CFAP47: variants seen among roughly 807,000 people sequenced by gnomAD.
CFAP47 encodes the protein cilia and flagella associated protein 47.
In CFAP47, 29 loss-of-function variants were observed where a neutral mutation model predicts 148.1. The observed-to-expected ratio is 0.20, with a 90% confidence interval of 0.15 to 0.27. CFAP47 has a LOEUF of 0.27. Among genes scored for constraint, CFAP47 ranks in the 10% least tolerant of loss-of-function variants. The pLI is 1.00. For missense variants in CFAP47, 1,872 were observed against 1,697.5 expected (o/e 1.10, Z -1.81); for synonymous variants, 664 against 577.3 (o/e 1.15, Z -2.15).
intron 63 of CFAP47, among the ~76,000 whole-genome samples, chrX:36,381,680 G>A (rs1214010687): frequency 1.8e-5 from 2 of 110,624 alleles, no homozygotes; most frequent in Non-Finnish European, 3.8e-5. Context: ...TACAAAAAGC[G>A]GTGCCACTCA....
chrX:36,217,740 C>T (rs1159123720), intron 45 of CFAP47, among the ~76,000 whole-genome samples: 2 of 112,120 alleles, frequency 1.8e-5, no homozygotes, highest in Non-Finnish European at 3.8e-5. Flanking sequence ...TAAAAAAATA[C>T]ACTTTAAGTC....
chrX:36,205,504 T>C (rs1240385202), intron 45 of CFAP47, among the ~76,000 whole-genome samples: 1 of 111,108 alleles, frequency 9.0e-6, no homozygotes, highest in Non-Finnish European at 1.9e-5. Flanking sequence ...AAAGGAAAAA[T>C]GTTGATGGCT....
At position 36,116,041 on chromosome X, in the gene CFAP47, G is replaced by A. The variant is rs752579971; in HGVS notation, c.5320+11350G>A. Among the ~76,000 whole-genome samples, 10 of 111,934 alleles carry A rather than the reference G, an allele frequency of 8.9e-5. No homozygotes were observed. The East Asian group carries it at 1.1e-3, about 13-fold the overall frequency. On this transcript the variant is annotated intron_variant, in intron 33 of 63. Coordinates refer to ENST00000378653, the MANE Select transcript of CFAP47 (RefSeq NM_001304548.2). Reference sequence around the variant, plus strand: ...TTAGACATTTTTTCACACTGTAACCGTTGCAGTTTCTTTTTTGAGTTAAAT... The same window carrying A: ...TTAGACATTTTTTCACACTGTAACCATTGCAGTTTCTTTTTTGAGTTAAAT...
At chrX:36,138,508 T>G (rs760179540) in intron 35 of CFAP47, 44 bp downstream of exon 35, 2 of 1,099,652 alleles carry the variant, frequency 1.8e-6, no homozygotes, top group East Asian at 7.0e-5. Flanking sequence ...TTTTATAAAT[T>G]TCTTTTGATA....
intron 33 of CFAP47, among the ~76,000 whole-genome samples, chrX:36,121,877 A>G (rs760853589): frequency 2.7e-5 from 3 of 111,216 alleles, no homozygotes; most frequent in Non-Finnish European, 3.8e-5. Context: ...TAATTTGTTT[A>G]GTACCATCAG....
intron 63 of CFAP47, among the ~76,000 whole-genome samples, chrX:36,382,340 G>C: frequency 8.9e-6 from 1 of 111,763 alleles, no homozygotes; most frequent in Non-Finnish European, 1.9e-5. Context: ...ATTGAAGAGT[G>C]CTCTCAGGGA....
intron 27 of CFAP47, among the ~76,000 whole-genome samples, chrX:36,066,158 G>C (rs963439182): frequency 9.0e-6 from 1 of 111,391 alleles, no homozygotes; most frequent in Middle Eastern, 4.6e-3. Context: ...TGGAATTGCT[G>C]CAGGGGAAAT....
intron 41 of CFAP47, among the ~76,000 whole-genome samples, chrX:36,189,532 G>T (rs1472320062): frequency 9.0e-6 from 1 of 111,652 alleles, no homozygotes; most frequent in African/African-American, 3.3e-5. Context: ...CATACAATTT[G>T]TAAGGATCAA....
At chrX:35,972,335 T>C (rs1936507027) in intron 13 of CFAP47, among the ~76,000 whole-genome samples, 1 of 110,669 alleles carries the variant, frequency 9.0e-6, no homozygotes, top group South Asian at 3.9e-4. Context: ...GTTCAAGCGA[T>C]TCTCCTGACT....
chrX:36,173,030 G>A (rs1476173694), intron 39 of CFAP47, among the ~76,000 whole-genome samples: 6 of 111,101 alleles, frequency 5.4e-5, no homozygotes, highest in African/African-American at 2.0e-4. Context: ...AGTCTTGGGA[G>A]AGTGTATGTG....
intron 57 of CFAP47, among the ~76,000 whole-genome samples, chrX:36,328,816 CAAAAAA>C (rs782618340): frequency 1.8e-5 from 1 of 56,463 alleles, no homozygotes; most frequent in African/African-American, 6.9e-5. Flanking sequence ...GACTCTGTCT[CAAAAAA>C]AAAAAAAAAA....
rs921577791 is a variant in CFAP47 at position 36,264,818 on chromosome X, A to G, written c.7444+13374A>G. Among the ~76,000 whole-genome samples the G allele has an allele frequency of 5.4e-5, 6 of 111,994 alleles. No homozygotes were observed. In the Admixed American group the frequency reaches 5.7e-4, roughly 11 times the overall value. On this transcript the variant is annotated intron_variant, in intron 49 of 63. Transcript: ENST00000378653. Reference sequence around the variant, plus strand: ...GGGGAGATAATCAGTGGAGCCTTCTATTCTGCCGTCTTGCTCCAACTCTCC... The same window carrying G: ...GGGGAGATAATCAGTGGAGCCTTCTGTTCTGCCGTCTTGCTCCAACTCTCC...
intron 57 of CFAP47, among the ~76,000 whole-genome samples, chrX:36,337,856 C>CTTTTTT (rs1196038760): frequency 5.1e-5 from 3 of 58,342 alleles, no homozygotes; most frequent in African/African-American, 8.8e-5. Context: ...TTCCATAATC[C>CTTTTTT]TTTTTTTTTT....
chrX:35,960,380 G>GGAAAAAAAAAAAAAAAAAAAA (rs1227681980), intron 8 of CFAP47, among the ~76,000 whole-genome samples: 6 of 15,489 alleles, frequency 3.9e-4, no homozygotes, highest in African/African-American at 1.6e-3. Flanking sequence ...GCTAATTTCT[G>GGAAAAAAAAAAAAAAAAAAAA]AAAAAAAAAA....
chrX:36,339,620 C>T (rs1941636704), intron 57 of CFAP47, among the ~76,000 whole-genome samples: 1 of 111,374 alleles, frequency 9.0e-6, no homozygotes, highest in Non-Finnish European at 1.9e-5. Flanking sequence ...GGTTATGCAA[C>T]GTGTGCTTGA....
intron 26 of CFAP47, among the ~76,000 whole-genome samples, chrX:36,057,861 A>G (rs1002079287): frequency 9.0e-6 from 1 of 111,282 alleles, no homozygotes; most frequent in Non-Finnish European, 1.9e-5. Flanking sequence ...AACAGCACCA[A>G]CCTAAGCTTT....
intron 30 of CFAP47, among the ~76,000 whole-genome samples, chrX:36,091,953 CACTA>C (rs1317431696): frequency 9.0e-6 from 1 of 111,029 alleles, no homozygotes; most frequent in Non-Finnish European, 1.9e-5. Context: ...GTTCTAGGTT[CACTA>C]ACTGAGTTAG....
intron 48 of CFAP47, among the ~76,000 whole-genome samples, chrX:36,242,560 G>T (rs1442618863): frequency 1.8e-5 from 2 of 112,176 alleles, no homozygotes; most frequent in African/African-American, 6.5e-5. Flanking sequence ...CAGCAGAATA[G>T]ACCAAGCTGA....
chrX:35,924,145 GTATGCGTACATATA>G lies in CFAP47; in HGVS notation c.250-1870_250-1857del, dbSNP rs1249035562. 3.2e-3 allele frequency among the ~76,000 whole-genome samples: 311 copies of G among 97,678 alleles called. 20 individuals carry two copies. Among genetic ancestry groups the G allele is most frequent in the African/African-American group, 0.013 (295 of 23,558 alleles). 84.8% of individuals were successfully genotyped at this position (97,678 alleles called of 115,157 possible). A position where few individuals can be genotyped will look rare whatever the true frequency, so the allele number is the denominator to read the frequency against. On this transcript the variant is annotated intron_variant, in intron 1 of 63. Coordinates refer to ENST00000378653, the MANE Select transcript of CFAP47 (RefSeq NM_001304548.2). ...CGTACATATATGTATATGTGTACAT[GTATGCGTACATATA>G]TGTATATATGTACATGTATGCGTAC...
Sources: gnomAD v4.1 joint callset for allele counts (sites outside exome capture counted in the v4.1 genomes callset) on GRCh38, gnomAD v4.1.1 for gene constraint, MANE v1.5 for transcripts, NCBI Gene and HGNC (gene_info 2026-07-23, HGNC 2026-07-21) for gene names.